ARL15: variants seen among roughly 807,000 people sequenced by gnomAD.
ARL15 encodes ADP-ribosylation factor-like protein 15.
A neutral mutation model predicts 25.2 loss-of-function variants in ARL15; 19 were observed. The observed-to-expected ratio is 0.75, with a 90% confidence interval of 0.53 to 1.10. The LOEUF (loss-of-function observed/expected upper bound fraction) is 1.10. Ranked by LOEUF, ARL15 falls within the 50% of genes least tolerant of loss-of-function variation. ARL15 has a pLI of 0.00. For missense variants in ARL15, 220 were observed against 246.0 expected (o/e 0.89, Z 0.71); for synonymous variants, 94 against 86.8 (o/e 1.08, Z -0.46).
At position 54,262,521 on chromosome 5, in the gene ARL15, T is replaced by C. The variant is rs1396918298; in HGVS notation, c.48+47911A>G. ...AAAAATGGATCAAACTCCAGTTACC[T>C]ATTTTCATTCCTGTTAATAACTATA... On this transcript the variant is annotated intron_variant, in intron 1 of 4. Transcript: ENST00000504924. 2.6e-5 allele frequency among the ~76,000 whole-genome samples: 4 copies of C among 151,598 alleles called. No homozygotes were observed. The East Asian group carries it at 7.7e-4, about 29-fold the overall frequency.
intron 4 of ARL15, among the ~76,000 whole-genome samples, chr5:53,937,595 G>A (rs964930600): frequency 6.6e-6 from 1 of 152,050 alleles, no homozygotes; most frequent in African/African-American, 2.4e-5. Flanking sequence ...TTCCTATTGT[G>A]CTACAGTTGC....
In ARL15 at chr5:53,973,379, G is replaced by A. The variant is rs1193673175; in HGVS notation, c.463-86666C>T. Among the ~76,000 whole-genome samples, 4 of 152,028 alleles carry A rather than the reference G, an allele frequency of 2.6e-5. No homozygotes were observed. In the East Asian group the frequency reaches 7.7e-4, roughly 29 times the overall value. ...ACCTGAGGTCAGAAGTTCGAGACCA[G>A]CCTGGTGAACATGGTAAAACCCCAT... On this transcript the variant is annotated intron_variant, in intron 4 of 4. Transcript: ENST00000504924.
At chr5:54,032,122 G>A (rs1313963593) in intron 4 of ARL15, among the ~76,000 whole-genome samples, 1 of 152,164 alleles carries the variant, frequency 6.6e-6, no homozygotes, top group African/African-American at 2.4e-5. Flanking sequence ...TGAGAATGGA[G>A]CATGTGAGGA....
At chr5:53,996,071 G>A (rs1222449393) in intron 4 of ARL15, among the ~76,000 whole-genome samples, 1 of 152,096 alleles carries the variant, frequency 6.6e-6, no homozygotes, top group Non-Finnish European at 1.5e-5. Context: ...AATTCTCATT[G>A]GCTTCTTCAG....
At chr5:54,224,730 A>G (rs1361912544) in intron 1 of ARL15, among the ~76,000 whole-genome samples, 1 of 152,156 alleles carries the variant, frequency 6.6e-6, no homozygotes, top group Non-Finnish European at 1.5e-5. Context: ...TTTACTTTAT[A>G]ACAAACTTTT....
intron 1 of ARL15, among the ~76,000 whole-genome samples, chr5:54,177,465 G>C (rs25859): frequency 0.65 from 98,605 of 152,030 alleles, 32,430 homozygotes; most frequent in East Asian, 0.99. Context: ...AAAATTACTA[G>C]AGTAAAATAA....
chr5:54,264,177 G>T (rs542189668), intron 1 of ARL15, among the ~76,000 whole-genome samples: 1 of 151,996 alleles, frequency 6.6e-6, no homozygotes, highest in African/African-American at 2.4e-5. Flanking sequence ...CATTTCACTT[G>T]ATGAAAATCA....
intron 3 of ARL15, among the ~76,000 whole-genome samples, chr5:54,116,484 GC>G (rs1418848379): frequency 1.8e-4 from 27 of 152,196 alleles, no homozygotes; most frequent in Non-Finnish European, 1.8e-4. Flanking sequence ...CTGTACACTA[GC>G]TTGTTATAAA....
At chr5:54,005,834 C>A (rs1273081500) in intron 4 of ARL15, among the ~76,000 whole-genome samples, 2 of 150,264 alleles carry the variant, frequency 1.3e-5, no homozygotes, top group Non-Finnish European at 3.0e-5. Flanking sequence ...TGCACTCTAG[C>A]CTGGGTGACA....
intron 4 of ARL15, among the ~76,000 whole-genome samples, chr5:54,089,558 T>C (rs1752070972): frequency 6.6e-6 from 1 of 152,180 alleles, no homozygotes; most frequent in South Asian, 2.1e-4. Flanking sequence ...ATTAAAGGCA[T>C]TTATCTATTT....
intron 4 of ARL15, among the ~76,000 whole-genome samples, chr5:53,913,202 C>T (rs1487620505): frequency 5.3e-5 from 8 of 152,156 alleles, no homozygotes; most frequent in Admixed American, 5.2e-4. Context: ...ACTTGGGAGG[C>T]TGAGGTGGGA....
chr5:54,168,115 T>A (rs924079683), intron 2 of ARL15, among the ~76,000 whole-genome samples: 3 of 152,234 alleles, frequency 2.0e-5, no homozygotes, highest in Non-Finnish European at 2.9e-5. Context: ...TTAACTGATA[T>A]ATCCTCAGTC....
chr5:53,906,255 C>T (rs1215198546), intron 4 of ARL15, among the ~76,000 whole-genome samples: 1 of 152,124 alleles, frequency 6.6e-6, no homozygotes, highest in East Asian at 1.9e-4. Context: ...TGCTTTTTGG[C>T]ACCATGAGAA....
At chr5:54,270,716 G>A (rs529493801) in intron 1 of ARL15, among the ~76,000 whole-genome samples, 1 of 152,306 alleles carries the variant, frequency 6.6e-6, no homozygotes, top group East Asian at 1.9e-4. Flanking sequence ...GCCTCCTGTG[G>A]CCTGCTCTTC....
In ARL15 at chr5:54,067,833, A is replaced by C. The variant is rs928583401; in HGVS notation, c.462+45369T>G. 3.3e-5 allele frequency among the ~76,000 whole-genome samples: 5 copies of C among 152,214 alleles called. No individual in the cohort carries two copies. The South Asian group carries it at 1.0e-3, about 32-fold the overall frequency. ...GAGTTGTGCCAAATCTCTTGACAAG[A>C]AGTCATATTTCAGTTCCCTTTCTCC... On this transcript the variant is annotated intron_variant, in intron 4 of 4. Transcript: ENST00000504924.
At chr5:54,099,968 T>C (rs2650675) in intron 4 of ARL15, among the ~76,000 whole-genome samples, 134,021 of 152,134 alleles carry the variant, frequency 0.88, 59,234 homozygotes, top group East Asian at 0.98. Context: ...AAGTTAAATA[T>C]TCATCAAGTT....
intron 4 of ARL15, chr5:53,912,175 G>A (rs746719777): frequency 6.6e-5 from 10 of 151,922 alleles, no homozygotes; most frequent in South Asian, 2.1e-4. Flanking sequence ...TAATCCTCAC[G>A]TCAGTCCATT....
At chr5:54,159,976 A>G (rs532652298) in intron 2 of ARL15, among the ~76,000 whole-genome samples, 3 of 152,360 alleles carry the variant, frequency 2.0e-5, no homozygotes, top group Non-Finnish European at 4.4e-5. Context: ...TTGGACCTAC[A>G]GACTAAACCC....
intron 4 of ARL15, among the ~76,000 whole-genome samples, chr5:54,056,063 A>G (rs1171118806): frequency 6.6e-6 from 1 of 152,190 alleles, no homozygotes; most frequent in African/African-American, 2.4e-5. Context: ...AGGAGTATGC[A>G]TACTGTAGAA....
Sources: allele counts gnomAD v4.1 joint callset (sites outside exome capture counted in the v4.1 genomes callset), GRCh38; gene constraint gnomAD v4.1.1; transcripts MANE v1.5; gene names NCBI Gene and HGNC (gene_info 2026-07-23, HGNC 2026-07-21).